DGKG: variants seen among roughly 807,000 people sequenced by gnomAD.
DGKG encodes the protein diacylglycerol kinase gamma.
DGKG carries 78 observed loss-of-function variants against 105.3 expected under a neutral mutation model. The ratio of observed to expected loss-of-function variants is 0.74; its 90% confidence interval spans 0.62 to 0.89. The LOEUF (loss-of-function observed/expected upper bound fraction) is 0.89. DGKG is among the 40% of genes least tolerant of loss of function. The probability of loss-of-function intolerance (pLI) is 0.00; values close to 1 mark genes in which losing one functional copy is unlikely to be tolerated. For synonymous variants in DGKG, 346 were observed against 367.1 expected, an observed-to-expected ratio of 0.94 and a Z score of 0.66; for missense variants, 958 against 1,020.1, an observed-to-expected ratio of 0.94 and a Z score of 0.83.
At chr3:186,228,887 T>TC (rs765719532) in intron 20 of DGKG, among the ~76,000 whole-genome samples, 1 of 151,992 alleles carries the variant, frequency 6.6e-6, no homozygotes, top group Non-Finnish European at 1.5e-5. Context: ...CTGAATTGTG[T>TC]CCCCCCCAAA....
rs368533181 is a variant in DGKG at position 186,320,370 on chromosome 3, G to T, written c.67+23C>A. The T allele has an allele frequency of 1.1e-5, 18 of 1,613,936 alleles. No individual in the cohort carries two copies. In the African/African-American group the frequency reaches 2.1e-4, roughly 19 times the overall value. ...CCAGCCAAGAAGAAATCCCGTCCCA[G>T]GGCTGTCAATGCATTTACTCACATT... On this transcript the variant is annotated intron_variant, in intron 2 of 24. Transcript: ENST00000265022.
chr3:186,150,603 A>G (rs1223738261), intron 24 of DGKG, among the ~76,000 whole-genome samples: 1 of 152,146 alleles, frequency 6.6e-6, no homozygotes, highest in Non-Finnish European at 1.5e-5. Flanking sequence ...CCCAGCCTCC[A>G]TTGCTCCTGG....
chr3:186,313,391 A>G, intron 2 of DGKG: 1 of 661,924 alleles, frequency 1.5e-6, no homozygotes, highest in South Asian at 6.8e-5. Context: ...TTTAAGACAC[A>G]ATTTTTTTGT....
intron 14 of DGKG, among the ~76,000 whole-genome samples, chr3:186,262,169 A>G (rs1721808944): frequency 6.6e-6 from 1 of 151,992 alleles, no homozygotes; most frequent in Non-Finnish European, 1.5e-5. Flanking sequence ...GGAGTGAACC[A>G]CCCGCTTCCA....
chr3:186,299,557 A>T (rs527855320), intron 3 of DGKG, among the ~76,000 whole-genome samples: 80 of 152,162 alleles, frequency 5.3e-4, no homozygotes, highest in African/African-American at 1.8e-3. Context: ...CAAATGGTGG[A>T]CTCACATTTC....
In DGKG at chr3:186,318,740, T is replaced by C. The variant is rs544218110; in HGVS notation, c.67+1653A>G. ...CTGGGATGGATCCCTTCTCCACAGCTCTCAGAAGGAGCCAGCGCCGCTGAC... is the reference window on the plus strand; with the variant it reads ...CTGGGATGGATCCCTTCTCCACAGCCCTCAGAAGGAGCCAGCGCCGCTGAC... On this transcript the variant is annotated intron_variant, in intron 2 of 24. Transcript: ENST00000265022. Among the ~76,000 whole-genome samples the C allele has an allele frequency of 3.9e-5, 6 of 152,230 alleles. No individual in the cohort carries two copies. The East Asian group carries it at 5.8e-4, about 15-fold the overall frequency.
intron 20 of DGKG, among the ~76,000 whole-genome samples, chr3:186,229,405 C>T (rs147362450): frequency 0.011 from 1,622 of 152,044 alleles, 15 homozygotes; most frequent in Non-Finnish European, 0.017. Flanking sequence ...CCACCATGCC[C>T]GGCTAATTTT....
In DGKG at chr3:186,149,003, T is replaced by TAC. The variant is rs1277300933; in HGVS notation, c.*1085_*1086dup. On this transcript the variant is annotated 3_prime_UTR_variant, in exon 25 of 25. Coordinates refer to ENST00000265022, the MANE Select transcript of DGKG (RefSeq NM_001346.3). The stretch of plus-strand genomic sequence containing the variant: ...AATATATAGGCTAAATATATATATA[T>TAC]ACACGCACACACACACACACACGCG... 7 of 884,310 alleles carry TAC rather than the reference T, an allele frequency of 7.9e-6. No individual in the cohort carries two copies. Among genetic ancestry groups the TAC allele is most frequent in the Non-Finnish European group, 9.4e-6 (7 of 740,766 alleles). 54.8% of individuals were successfully genotyped at this position (884,310 alleles called of 1,614,324 possible). A position where few individuals can be genotyped will look rare whatever the true frequency, so the allele number is the denominator to read the frequency against.
chr3:186,310,582 G>T (rs1486960697), intron 2 of DGKG, among the ~76,000 whole-genome samples: 2 of 152,174 alleles, frequency 1.3e-5, no homozygotes, highest in African/African-American at 4.8e-5. Context: ...AGTGACAGCT[G>T]CTTTATTCTG....
intron 2 of DGKG, among the ~76,000 whole-genome samples, chr3:186,313,020 A>G (rs1279500329): frequency 6.6e-6 from 1 of 152,260 alleles, no homozygotes; most frequent in Non-Finnish European, 1.5e-5. Context: ...GAATAAATGA[A>G]GGCTAGCAAA....
At chr3:186,324,827 C>A (rs1284522216) in intron 1 of DGKG, among the ~76,000 whole-genome samples, 2 of 152,240 alleles carry the variant, frequency 1.3e-5, no homozygotes, top group African/African-American at 4.8e-5. Context: ...ATGCAGCAAT[C>A]CCATTACTGG....
intron 11 of DGKG, among the ~76,000 whole-genome samples, chr3:186,272,018 G>C (rs1372340769): frequency 6.6e-6 from 1 of 152,204 alleles, no homozygotes; most frequent in East Asian, 1.9e-4. Context: ...TTCTTGAGCA[G>C]GCTGGGGAGC....
rs1241424124 is a variant in DGKG, at chr3:186,268,900, C to T, written c.1017G>A (p.Trp339Ter). 2 of 1,613,688 alleles carry T rather than the reference C, an allele frequency of 1.2e-6. No individual in the cohort carries two copies. Among genetic ancestry groups the T allele is most frequent in the Non-Finnish European group, 1.7e-6 (2 of 1,179,758 alleles). The change falls in exon 12 of 25, where the codon TGG (tryptophan) becomes TGA (stop). Residue 339 changes from tryptophan (W) to a stop codon, truncating the protein, a stop_gained. Coordinates refer to ENST00000265022, the MANE Select transcript of DGKG (RefSeq NM_001346.3). LOFTEE classifies it high-confidence loss of function. ...KRSGEVMQHA[W>*]VEGNSSVKCD... ...ACTTGACGGAGGAGTTCCCTTCCAC[C>T]CATGCGTGCTGCATCACCTGCGGGA...
chr3:186,174,998 G>A (rs777099490), intron 22 of DGKG, among the ~76,000 whole-genome samples: 2 of 152,202 alleles, frequency 1.3e-5, no homozygotes, highest in African/African-American at 2.4e-5. Context: ...TGCTTTTGGA[G>A]GAGGAGAGGC....
chr3:186,148,150 T>C lies in DGKG; in HGVS notation c.*1940A>G. ...ATCTCAGAGAGGGATGGAGGCCCAA[T>C]GAAGCTCTGCATGGCCTTGCCCTTG... On this transcript the variant is annotated 3_prime_UTR_variant, in exon 25 of 25. Coordinates refer to ENST00000265022, the MANE Select transcript of DGKG (RefSeq NM_001346.3). 1 of 985,470 alleles carries C rather than the reference T, an allele frequency of 1.0e-6. No homozygotes were observed. Among genetic ancestry groups the C allele is most frequent in the Non-Finnish European group, 1.2e-6 (1 of 829,970 alleles). 61.0% of individuals were successfully genotyped at this position (985,470 alleles called of 1,614,324 possible).
Position 186,149,152 on chromosome 3 carries a change from T to G in DGKG, c.*938A>C. ...AAAGTTCCTTCCTTCCCATCTTTTC[T>G]GCCTTCAGGAATAGTCTGCCACCAG... On this transcript the variant is annotated 3_prime_UTR_variant, in exon 25 of 25. Coordinates refer to ENST00000265022, the MANE Select transcript of DGKG (RefSeq NM_001346.3). 2 of 985,110 alleles carry G rather than the reference T, an allele frequency of 2.0e-6. No individual in the cohort carries two copies. The highest frequency in any genetic ancestry group is 2.4e-6 in the Non-Finnish European group (2 of 829,802). 61.0% of individuals were successfully genotyped at this position (985,110 alleles called of 1,614,324 possible).
rs143725358 is a variant in DGKG at position 186,344,210 on chromosome 3, T to C, written c.-249+17736A>G. 1.1e-4 allele frequency among the ~76,000 whole-genome samples: 17 copies of C among 152,238 alleles called. No homozygotes were observed. The East Asian group carries it at 2.7e-3, about 25-fold the overall frequency. On this transcript the variant is annotated intron_variant, in intron 1 of 24. Transcript: ENST00000265022. ...CAAAGAGCTAAAAGCAGAACTACCA[T>C]TGGACCCAGCAATCCCATTACTGGG... is the stretch of plus-strand genomic sequence containing the variant.
intron 13 of DGKG, chr3:186,267,482 C>A: frequency 1.9e-6 from 1 of 535,434 alleles, no homozygotes. Context: ...ACAACAAACT[C>A]CCGCAAGACG....
intron 7 of DGKG, among the ~76,000 whole-genome samples, chr3:186,281,830 T>C (rs1722843048): frequency 6.6e-6 from 1 of 152,064 alleles, no homozygotes; most frequent in East Asian, 1.9e-4. Flanking sequence ...GCTATGAAAA[T>C]AGAAGCAGAG....
Sources: allele counts gnomAD v4.1 joint callset (sites outside exome capture counted in the v4.1 genomes callset), GRCh38; gene constraint gnomAD v4.1.1; transcripts MANE v1.5; gene names NCBI Gene and HGNC (gene_info 2026-07-23, HGNC 2026-07-21).